The following GRIK3 variants were observed in gnomAD, a reference collection of about 807,000 sequenced individuals.
GRIK3 encodes glutamate receptor ionotropic, kainate 3.
GRIK3 carries 29 observed loss-of-function variants against 102.5 expected under a neutral mutation model. The ratio of observed to expected loss-of-function variants is 0.28; its 90% confidence interval spans 0.21 to 0.39. GRIK3 has a LOEUF of 0.39. Among genes scored for constraint, GRIK3 ranks in the 10% least tolerant of loss-of-function variants. The pLI is 1.00. For missense variants in GRIK3, 908 were observed against 1,252.4 expected (o/e 0.73, Z 4.15); for synonymous variants, 511 against 504.9 (o/e 1.01, Z -0.16).
At chr1:36,838,081 G>T (rs1455416050) in intron 10 of GRIK3, among the ~76,000 whole-genome samples, 2 of 152,164 alleles carry the variant, frequency 1.3e-5, no homozygotes, top group Non-Finnish European at 2.9e-5. Context: ...GGCTGTCCCT[G>T]GAAGGAACAG....
At chr1:36,937,472 T>C (rs1454004743) in intron 1 of GRIK3, among the ~76,000 whole-genome samples, 1 of 152,188 alleles carries the variant, frequency 6.6e-6, no homozygotes, top group Non-Finnish European at 1.5e-5. Flanking sequence ...CATTACAGGA[T>C]GACTATCTAA....
At chr1:36,952,336 A>G (rs577194423) in intron 1 of GRIK3, among the ~76,000 whole-genome samples, 5 of 152,248 alleles carry the variant, frequency 3.3e-5, no homozygotes, top group African/African-American at 1.2e-4. Flanking sequence ...AGCAGCTGTG[A>G]TGATCCCATC....
chr1:36,841,678 G>T (rs1640452315), intron 10 of GRIK3, 58 bp downstream of exon 10: 6 of 1,440,128 alleles, frequency 4.2e-6, no homozygotes, highest in Non-Finnish European at 5.9e-6. Flanking sequence ...GGTGCAGACA[G>T]TTCTAGGCCA....
At chr1:36,923,150 T>TTAATACATTATTA (rs1255665456) in intron 1 of GRIK3, among the ~76,000 whole-genome samples, 2 of 152,250 alleles carry the variant, frequency 1.3e-5, no homozygotes, top group Non-Finnish European at 2.9e-5. Context: ...ACATTATTAA[T>TTAATACATTATTA]GTTTCTGGTT....
rs1445510215 is a variant in GRIK3 at position 37,007,538 on chromosome 1, C to T, written c.115+26456G>A. ...TGAACAAGGCTCAGGAGAACTGATGCATGGTGGCATTCGGGAGCCACCGGG... is the reference window on the plus strand; with the variant it reads ...TGAACAAGGCTCAGGAGAACTGATGTATGGTGGCATTCGGGAGCCACCGGG... On this transcript the variant is annotated intron_variant, in intron 1 of 15. Transcript: ENST00000373091. 2.0e-5 allele frequency among the ~76,000 whole-genome samples: 3 copies of T among 152,170 alleles called. No homozygotes were observed. In the East Asian group the frequency reaches 5.8e-4, roughly 29 times the overall value.
chr1:37,004,319 T>C (rs1263693678), intron 1 of GRIK3, among the ~76,000 whole-genome samples: 1 of 152,160 alleles, frequency 6.6e-6, no homozygotes, highest in Admixed American at 6.5e-5. Flanking sequence ...GTGTATCAAA[T>C]GGAAAACTGC....
In GRIK3 at chr1:36,804,973, G is replaced by C; in HGVS notation, c.2565+14C>G. 1 of 1,613,868 alleles carries C rather than the reference G, an allele frequency of 6.2e-7. No individual in the cohort carries two copies. Among genetic ancestry groups the C allele is most frequent in the Non-Finnish European group, 8.5e-7 (1 of 1,179,834 alleles). ...ATTTCCCATCCTGTGCAGGCTCCAA[G>C]CTCTAAGGCTTACCTGCTCTCTCTC... On this transcript the variant is annotated intron_variant, in intron 15 of 15. Transcript: ENST00000373091.
intron 1 of GRIK3, among the ~76,000 whole-genome samples, chr1:36,961,688 G>A (rs1642011484): frequency 6.6e-6 from 1 of 152,256 alleles, no homozygotes; most frequent in Non-Finnish European, 1.5e-5. Flanking sequence ...AGATGGCAGA[G>A]CCAGGATGTG....
At chr1:36,957,467 G>GCCCCATGA (rs1557440390) in intron 1 of GRIK3, among the ~76,000 whole-genome samples, 1,094 of 117,714 alleles carry the variant, frequency 9.3e-3, no homozygotes, top group African/African-American at 0.019. Flanking sequence ...GAGCCTATGT[G>GCCCCATGA]CTCTGTGAGT....
At chr1:36,816,618 C>T (rs1642634663) in intron 13 of GRIK3, among the ~76,000 whole-genome samples, 2 of 152,196 alleles carry the variant, frequency 1.3e-5, no homozygotes, top group Non-Finnish European at 2.9e-5. Context: ...TAAGCCTCCT[C>T]CCTTCCTCTC....
At chr1:36,898,557 T>A (rs1435483971) in intron 1 of GRIK3, among the ~76,000 whole-genome samples, 2 of 152,152 alleles carry the variant, frequency 1.3e-5, no homozygotes, top group African/African-American at 4.8e-5. Flanking sequence ...TGTAAATACA[T>A]CCCATGTTCA....
chr1:36,986,034 A>G (rs943906328), intron 1 of GRIK3, among the ~76,000 whole-genome samples: 18 of 152,202 alleles, frequency 1.2e-4, no homozygotes, highest in African/African-American at 3.4e-4. Flanking sequence ...TCCCTGGAGC[A>G]CAGCTTCCCC....
rs1175354965 is a variant in GRIK3 at position 36,801,444 on chromosome 1, C to T, written c.*407G>A. On this transcript the variant is annotated 3_prime_UTR_variant, in exon 16 of 16. Transcript: ENST00000373091. ...CGCCGAAGGCTTGTGTCTCTGGCCT[C>T]ACGGTCAAGCTGTAGGAGGCCTGGG... The T allele has an allele frequency of 6.2e-6, 1 of 162,104 alleles. No homozygotes were observed. The highest frequency in any genetic ancestry group is 2.4e-5 in the African/African-American group (1 of 41,682). 10.0% of individuals were successfully genotyped at this position (162,104 alleles called of 1,614,324 possible).
At chr1:36,962,910 G>T (rs145886147) in intron 1 of GRIK3, among the ~76,000 whole-genome samples, 2,113 of 150,522 alleles carry the variant, frequency 0.014, 33 homozygotes, top group Non-Finnish European at 0.021. Flanking sequence ...AAAGGAGGAA[G>T]GAAGGAAAGA....
chr1:36,895,300 G>A (rs1641161011), intron 1 of GRIK3, among the ~76,000 whole-genome samples: 1 of 152,080 alleles, frequency 6.6e-6, no homozygotes, highest in African/African-American at 2.4e-5. Context: ...ATCAGAACCA[G>A]ATTCAGATAT....
intron 5 of GRIK3, among the ~76,000 whole-genome samples, chr1:36,867,959 G>A (rs1051688911): frequency 6.6e-6 from 1 of 152,172 alleles, no homozygotes; most frequent in Non-Finnish European, 1.5e-5. Flanking sequence ...CAGCCTGGCT[G>A]ACCTTCCAGG....
intron 1 of GRIK3, among the ~76,000 whole-genome samples, chr1:36,928,573 G>T (rs116731477): frequency 0.012 from 1,839 of 152,284 alleles, 20 homozygotes; most frequent in Non-Finnish European, 0.018. Context: ...ATGCATGTAG[G>T]TTCAGCTTAA....
chr1:36,991,553 A>G (rs1298199184), intron 1 of GRIK3, among the ~76,000 whole-genome samples: 2 of 152,198 alleles, frequency 1.3e-5, no homozygotes, highest in Non-Finnish European at 1.5e-5. Flanking sequence ...AGATGAAATC[A>G]GGCTCGGGTG....
intron 11 of GRIK3, among the ~76,000 whole-genome samples, chr1:36,822,272 G>A (rs1188356498): frequency 6.6e-6 from 1 of 152,230 alleles, no homozygotes; most frequent in South Asian, 2.1e-4. Flanking sequence ...AAGTTCCAGG[G>A]GTGGAACTGC....
Sources: gnomAD v4.1 joint callset for allele counts (sites outside exome capture counted in the v4.1 genomes callset) on GRCh38, gnomAD v4.1.1 for gene constraint, MANE v1.5 for transcripts, NCBI Gene and HGNC (gene_info 2026-07-23, HGNC 2026-07-21) for gene names.